The following SEPTIN8 variants were observed in gnomAD, a reference collection of about 807,000 sequenced individuals.
The protein encoded by SEPTIN8 is septin-8.
A neutral mutation model predicts 53.1 loss-of-function variants in SEPTIN8; 22 were observed. That is an observed-to-expected ratio of 0.41 (90% CI 0.30 to 0.59). The LOEUF (loss-of-function observed/expected upper bound fraction) is 0.59. Ranked by LOEUF, SEPTIN8 falls within the 20% of genes least tolerant of loss-of-function variation. The pLI, the probability that SEPTIN8 is intolerant of heterozygous loss-of-function variation, is 0.24. For missense variants in SEPTIN8, 536 were observed against 638.7 expected (o/e 0.84, Z 1.73); for synonymous variants, 228 against 248.4 (o/e 0.92, Z 0.77).
At chr5:132,764,586 A>G (rs1343438167) in intron 2 of SEPTIN8, among the ~76,000 whole-genome samples, 167 bp from the exon 3 acceptor site, 2 of 152,178 alleles carry the variant, frequency 1.3e-5, no homozygotes, top group Non-Finnish European at 1.5e-5. Context: ...CCCAGGAACT[A>G]TCTTTTCCTG....
chr5:132,760,133 T>G lies in SEPTIN8; in HGVS notation c.1286+669A>C, dbSNP rs944287339. 6.6e-6 allele frequency among the ~76,000 whole-genome samples: 1 copy of G among 152,090 alleles called. No homozygotes were observed. Among genetic ancestry groups the G allele is most frequent in the African/African-American group, 2.4e-5 (1 of 41,408 alleles). On this transcript the variant is annotated intron_variant, in intron 9 of 9. Transcript: ENST00000378719. The surrounding 1 kb of genome is among the most constrained non-coding windows in gnomAD (Gnocchi z 5.2). ...CCCTGCGGGCCCTTCAGAACAGCTG[T>G]GTGGTGACCAGTCTCCAGGAGGCCA...
upstream of SEPTIN8, chr5:132,777,548 C>T: frequency 1.0e-6 from 1 of 967,018 alleles, no homozygotes; most frequent in Non-Finnish European, 1.2e-6. This position sits in a 1 kb window ranked among gnomAD's most constrained non-coding sequence, Gnocchi z 4.1. Flanking sequence ...AGGTGAGAGT[C>T]TCCTGGGTCC....
chr5:132,771,944 G>A (rs998433650), intron 1 of SEPTIN8, among the ~76,000 whole-genome samples: 12 of 152,150 alleles, frequency 7.9e-5, no homozygotes, highest in Non-Finnish European at 1.6e-4. Context: ...GGATATACCT[G>A]TCCCAAATCA....
At chr5:132,755,824 G>C (rs1309568516) in intron 9 of SEPTIN8, among the ~76,000 whole-genome samples, 1 of 152,090 alleles carries the variant, frequency 6.6e-6, no homozygotes, top group Non-Finnish European at 1.5e-5. Flanking sequence ...ACCTATGCAA[G>C]AGCCTTTCAC....
In SEPTIN8 at chr5:132,752,011, C is replaced by T; in HGVS notation, c.*5G>A. 6.2e-7 allele frequency: 1 copy of T among 1,612,346 alleles called. No individual in the cohort carries two copies. The highest frequency in any genetic ancestry group is 8.5e-7 in the Non-Finnish European group (1 of 1,179,452). Reference sequence around the variant, plus strand: ...GAGCTGGCCCCATGTGTTGGAGCTGCTGCCTCAGAGGAATCCTTCCCTCCA... The same window carrying T: ...GAGCTGGCCCCATGTGTTGGAGCTGTTGCCTCAGAGGAATCCTTCCCTCCA... On this transcript the variant is annotated 3_prime_UTR_variant, in exon 10 of 10. Transcript: ENST00000378719.
At position 132,768,045 on chromosome 5, in the gene SEPTIN8, T is replaced by G. The variant is rs144534477; in HGVS notation, c.31-2516A>C. Among the ~76,000 whole-genome samples, 221 of 149,072 alleles carry G rather than the reference T, an allele frequency of 1.5e-3. 1 individual carries two copies. Among genetic ancestry groups the G allele is most frequent in the African/African-American group, 5.2e-3 (212 of 40,570 alleles). On this transcript the variant is annotated intron_variant, in intron 1 of 9. Coordinates refer to ENST00000378719, the MANE Select transcript of SEPTIN8 (RefSeq NM_001098811.2). ...CATTCCATTCCTGTTTTCCCCCACT[T>G]TCTTACAGTTCTAGGCCCCAGAGGC...
At chr5:132,778,718 A>G (rs1757975186), upstream of SEPTIN8, among the ~76,000 whole-genome samples, 1 of 152,174 alleles carries the variant, frequency 6.6e-6, no homozygotes, top group African/African-American at 2.4e-5. Context: ...CAAGTATAGC[A>G]CCTATGTTAC....
intron 1 of SEPTIN8, among the ~76,000 whole-genome samples, chr5:132,770,022 T>TATAC (rs1757064919): frequency 5.7e-5 from 2 of 35,002 alleles, no homozygotes; most frequent in African/African-American, 2.0e-4. Context: ...TATATATATA[T>TATAC]ACACACACAT....
At chr5:132,779,740 T>C (rs182434086), upstream of SEPTIN8, among the ~76,000 whole-genome samples, 461 of 152,370 alleles carry the variant, frequency 3.0e-3, 2 homozygotes, top group African/African-American at 0.011. Flanking sequence ...GAGAAAAGAA[T>C]AAATTTTCTT....
intron 1 of SEPTIN8, among the ~76,000 whole-genome samples, chr5:132,765,797 C>T (rs1330155265): frequency 1.3e-5 from 2 of 152,330 alleles, no homozygotes; most frequent in Middle Eastern, 3.4e-3. Context: ...GGGCTGAGGG[C>T]TCCATGTCTC....
At chr5:132,765,592 TG>T in intron 1 of SEPTIN8, 63 bp from the exon 2 acceptor site, 1 of 1,521,592 alleles carries the variant, frequency 6.6e-7, no homozygotes. Flanking sequence ...AGCTGCGGGG[TG>T]GGCGCTAAAT....
At chr5:132,759,727 A>C (rs1171559388) in intron 9 of SEPTIN8, among the ~76,000 whole-genome samples, 1 of 152,114 alleles carries the variant, frequency 6.6e-6, no homozygotes, top group African/African-American at 2.4e-5. Flanking sequence ...CTTAGTTCCT[A>C]GGTTGGCAAG....
At chr5:132,758,180 A>G (rs1755519976) in intron 9 of SEPTIN8, 2 of 1,097,318 alleles carry the variant, frequency 1.8e-6, no homozygotes, top group Non-Finnish European at 2.2e-6. Context: ...CTCTCCCTGT[A>G]TATGATAGGC....
chr5:132,761,818 G>A lies in SEPTIN8; in HGVS notation c.775C>T (p.Pro259Ser), dbSNP rs1470013106. The A allele has an allele frequency of 6.2e-7, 1 of 1,609,008 alleles. No homozygotes were observed. The highest frequency in any genetic ancestry group is 2.2e-5 in the East Asian group (1 of 44,706). Residue 259 changes from proline (P) to serine (S), a missense_variant, in exon 6 of 10, where the codon CCC (proline) becomes TCC (serine). Physicochemically the swap from Pro to Ser is moderately conservative, Grantham distance 74 (BLOSUM62 -1). Transcript: ENST00000378719. This position sits in a 1 kb window ranked among gnomAD's most constrained non-coding sequence, Gnocchi z 5.8. ...CACTCACCCTGCACCACTCCCCAGG[G>A]GTACTGCCGTGCTCGGACCAGCTTG... is the stretch of plus-strand genomic sequence containing the variant. ...GNKLVRARQY[P>S]WGVVQVENEN... is the part of the protein sequence containing the mutation.
chr5:132,776,340 T>C lies in SEPTIN8; in HGVS notation c.30+768A>G, dbSNP rs1757790232. Among the ~76,000 whole-genome samples the C allele has an allele frequency of 6.6e-6, 1 of 152,102 alleles. No individual in the cohort carries two copies. Among genetic ancestry groups the C allele is most frequent in the African/African-American group, 2.4e-5 (1 of 41,398 alleles). On this transcript the variant is annotated intron_variant, in intron 1 of 9. Coordinates refer to ENST00000378719, the MANE Select transcript of SEPTIN8 (RefSeq NM_001098811.2). This position sits in a 1 kb window ranked among gnomAD's most constrained non-coding sequence, Gnocchi z 4.4. ...CAAAGGCCTCCCTCCCGCGAGTGAATTATGAAAGCCTTTAGTAAGTTGGCT... is the reference window on the plus strand; with the variant it reads ...CAAAGGCCTCCCTCCCGCGAGTGAACTATGAAAGCCTTTAGTAAGTTGGCT...
At chr5:132,759,384 C>A (rs1489278630) in intron 9 of SEPTIN8, among the ~76,000 whole-genome samples, 1 of 152,194 alleles carries the variant, frequency 6.6e-6, no homozygotes, top group Non-Finnish European at 1.5e-5. Context: ...GACAAGCCCC[C>A]ACCCCGAGGG....
rs1581126286 is a variant in SEPTIN8, at chr5:132,753,083, G to A, written c.1287-902C>T. On this transcript the variant is annotated intron_variant, in intron 9 of 9. Transcript: ENST00000378719. ...CCTGTAAAAAGGGAAGGTGGCTCTG[G>A]AAGAGCAACTGAGAAAAAGTTCCCA... The A allele has an allele frequency of 1.7e-5, 14 of 842,916 alleles. No individual in the cohort carries two copies. The East Asian group carries it at 3.6e-4, about 21-fold the overall frequency. The allele number at this position is 842,916 out of a possible 1,614,324, so 52.2% of individuals were successfully genotyped here.
At chr5:132,764,528 T>C in intron 2 of SEPTIN8, 109 bp from the exon 3 acceptor site, 1 of 877,940 alleles carries the variant, frequency 1.1e-6, no homozygotes, top group Middle Eastern at 2.3e-4. Context: ...GGCCCCTGGA[T>C]AAGAGAAAGG....
In SEPTIN8 at chr5:132,776,043, G is replaced by A. The variant is rs30520; in HGVS notation, c.30+1065C>T. 54,408 of 152,256 alleles carry A rather than the reference G, an allele frequency of 0.36. 16,321 individuals are homozygous for A. Among genetic ancestry groups the A allele is most frequent in the African/African-American group, 0.79 (32,650 of 41,482 alleles). The allele number at this position is 152,256 out of a possible 1,614,324, so 9.4% of individuals were successfully genotyped here. On this transcript the variant is annotated intron_variant, in intron 1 of 9. Coordinates refer to ENST00000378719, the MANE Select transcript of SEPTIN8 (RefSeq NM_001098811.2). The surrounding 1 kb of genome is among the most constrained non-coding windows in gnomAD (Gnocchi z 4.4). ...ATTTACATATATAAATTGGGATGAC[G>A]GTATTTATAGCATTAATTACATAAG...
Sources: allele counts gnomAD v4.1 joint callset (sites outside exome capture counted in the v4.1 genomes callset), GRCh38; gene constraint gnomAD v4.1.1; non-coding constraint Gnocchi (gnomAD v3.1); transcripts MANE v1.5; gene names NCBI Gene and HGNC (gene_info 2026-07-23, HGNC 2026-07-21).